The following ATXN1 variants were observed in gnomAD, a reference collection of about 807,000 sequenced individuals.
ATXN1 encodes ataxin-1.
In ATXN1, 8 loss-of-function variants were observed where a neutral mutation model predicts 56.4. The observed-to-expected ratio is 0.14, with a 90% CI of 0.08 to 0.26. ATXN1 has a LOEUF of 0.26. ATXN1 is among the 10% of genes least tolerant of loss of function. ATXN1 has a pLI of 1.00. For missense variants in ATXN1, 987 were observed against 1,106.5 expected (o/e 0.89, Z 1.53); for synonymous variants, 514 against 494.6 (o/e 1.04, Z -0.52).
At chr6:16,458,435 T>C (rs1024092685) in intron 6 of ATXN1, among the ~76,000 whole-genome samples, 2 of 152,166 alleles carry the variant, frequency 1.3e-5, no homozygotes, top group African/African-American at 2.4e-5. Context: ...CGAGGGTCAA[T>C]TGATCCTAAA....
At chr6:16,383,577 C>T (rs1758177629) in intron 6 of ATXN1, among the ~76,000 whole-genome samples, 1 of 152,176 alleles carries the variant, frequency 6.6e-6, no homozygotes. Context: ...ACCACACACA[C>T]TTTTCTGTTT....
chr6:16,611,984 C>T (rs1476764048), intron 3 of ATXN1, among the ~76,000 whole-genome samples: 1 of 145,076 alleles, frequency 6.9e-6, no homozygotes, highest in East Asian at 2.1e-4. Flanking sequence ...CTCAGCCTTT[C>T]GAGTAGCTGG....
chr6:16,456,573 G>A (rs1271700948), intron 6 of ATXN1, among the ~76,000 whole-genome samples: 1 of 152,158 alleles, frequency 6.6e-6, no homozygotes, highest in Non-Finnish European at 1.5e-5. Context: ...CAAAAAGTTG[G>A]TTGGCCCTGC....
intron 4 of ATXN1, among the ~76,000 whole-genome samples, chr6:16,540,344 T>C (rs895114607): frequency 6.6e-6 from 1 of 152,134 alleles, no homozygotes; most frequent in Non-Finnish European, 1.5e-5. Flanking sequence ...CCCAAGTAGC[T>C]GGGACTACAG....
chr6:16,330,425 C>T (rs1256426968), intron 6 of ATXN1, among the ~76,000 whole-genome samples: 2 of 113,312 alleles, frequency 1.8e-5, no homozygotes, highest in African/African-American at 3.5e-5. Context: ...GGTCTTGCTT[C>T]GTTGCTCAGA....
chr6:16,383,753 G>C (rs1581726850), intron 6 of ATXN1, among the ~76,000 whole-genome samples: 2 of 152,148 alleles, frequency 1.3e-5, no homozygotes, highest in Non-Finnish European at 2.9e-5. Context: ...CTTTGACATG[G>C]GGCACTCCTT....
At chr6:16,759,830 G>A (rs1372887099) in intron 1 of ATXN1, among the ~76,000 whole-genome samples, 2 of 151,994 alleles carry the variant, frequency 1.3e-5, no homozygotes, top group Non-Finnish European at 2.9e-5. Context: ...CCCCTACGTG[G>A]TCTGAAACAA....
chr6:16,755,768 C>T (rs1427481165), intron 1 of ATXN1, among the ~76,000 whole-genome samples: 1 of 151,394 alleles, frequency 6.6e-6, no homozygotes, highest in African/African-American at 2.4e-5. Flanking sequence ...ACATCACAAT[C>T]GGGGAAACCT....
intron 6 of ATXN1, among the ~76,000 whole-genome samples, chr6:16,463,688 G>A (rs1212941106): frequency 6.6e-6 from 1 of 152,194 alleles, no homozygotes; most frequent in African/African-American, 2.4e-5. Context: ...AGTACAAGAT[G>A]CTGCCCAGCA....
At chr6:16,402,923 G>A (rs9464903) in intron 6 of ATXN1, among the ~76,000 whole-genome samples, 1,857 of 152,248 alleles carry the variant, frequency 0.012, 17 homozygotes, top group Non-Finnish European at 0.015. Flanking sequence ...AAAAATTCAC[G>A]AACTCCAAAA....
chr6:16,583,606 G>A (rs537154154), intron 4 of ATXN1, among the ~76,000 whole-genome samples: 1 of 152,330 alleles, frequency 6.6e-6, no homozygotes, highest in South Asian at 2.1e-4. Context: ...CTGTGCCCAA[G>A]GCACTTGCTG....
intron 3 of ATXN1, among the ~76,000 whole-genome samples, chr6:16,610,927 A>G (rs1190751389): frequency 6.6e-6 from 1 of 151,326 alleles, no homozygotes; most frequent in Non-Finnish European, 1.5e-5. Flanking sequence ...GCTACTTAGG[A>G]GGCTGAGGTG....
Position 16,304,160 on chromosome 6 carries a change from TTGA to T in ATXN1, c.*2166_*2168del, listed in dbSNP as rs144511159. 1.1e-3 allele frequency: 162 copies of T among 152,664 alleles called. No individual in the cohort carries two copies. The highest frequency in any genetic ancestry group is 3.8e-3 in the African/African-American group (158 of 41,576). 9.5% of individuals were successfully genotyped at this position (152,664 alleles called of 1,614,324 possible). A position where few individuals can be genotyped will look rare whatever the true frequency, so the allele number is the denominator to read the frequency against. On this transcript the variant is annotated 3_prime_UTR_variant, in exon 8 of 8. Transcript: ENST00000436367. ...GAATACTAGACAGCCAAAATGTGGGTTGATACCAGATTTTTTTTTTAATTTGTG... is the reference window on the plus strand; with the variant it reads ...GAATACTAGACAGCCAAAATGTGGGTTACCAGATTTTTTTTTTAATTTGTG...
intron 2 of ATXN1, among the ~76,000 whole-genome samples, chr6:16,702,672 G>A (rs62387988): frequency 0.032 from 4,907 of 152,236 alleles, 117 homozygotes; most frequent in Non-Finnish European, 0.05. Flanking sequence ...AAAAGTGGGC[G>A]AAGGATATGA....
At chr6:16,424,165 C>T (rs370514441) in intron 6 of ATXN1, among the ~76,000 whole-genome samples, 3 of 152,150 alleles carry the variant, frequency 2.0e-5, no homozygotes, top group Non-Finnish European at 4.4e-5. Context: ...TGGCAGGGAG[C>T]GGCCTGGATC....
At chr6:16,666,166 C>A (rs1371387475) in intron 2 of ATXN1, among the ~76,000 whole-genome samples, 1 of 152,204 alleles carries the variant, frequency 6.6e-6, no homozygotes, top group Non-Finnish European at 1.5e-5. Flanking sequence ...CCTCTGCTAA[C>A]CATCATTCTA....
chr6:16,381,957 G>C (rs1758135572), intron 6 of ATXN1, among the ~76,000 whole-genome samples: 1 of 152,206 alleles, frequency 6.6e-6, no homozygotes. Flanking sequence ...GAGTTATACA[G>C]AATGAAAGTT....
intron 7 of ATXN1, among the ~76,000 whole-genome samples, chr6:16,313,602 G>C (rs1268301627): frequency 6.6e-6 from 1 of 151,640 alleles, no homozygotes; most frequent in African/African-American, 2.4e-5. Context: ...TGTCACCCAG[G>C]TTGGAGTGCA....
chr6:16,462,866 C>T (rs766701580), intron 6 of ATXN1, among the ~76,000 whole-genome samples: 6 of 152,020 alleles, frequency 3.9e-5, no homozygotes, highest in Admixed American at 1.3e-4. Flanking sequence ...ATGGCTTGTC[C>T]GCTTCTCAGG....
Sources: gnomAD v4.1 joint callset for allele counts (sites outside exome capture counted in the v4.1 genomes callset) on GRCh38, gnomAD v4.1.1 for gene constraint, MANE v1.5 for transcripts, NCBI Gene and HGNC (gene_info 2026-07-23, HGNC 2026-07-21) for gene names.